The following KIF1B variants were observed in gnomAD, a reference collection of about 807,000 sequenced individuals.
KIF1B encodes the protein kinesin-like protein KIF1B.
Under a neutral mutation model 241.9 loss-of-function variants are expected in KIF1B, and 76 were observed. The observed-to-expected ratio is 0.31, with a 90% confidence interval of 0.26 to 0.38. KIF1B has a LOEUF of 0.38. Among genes scored for constraint, KIF1B ranks in the 10% least tolerant of loss-of-function variants. The pLI is 1.00. For synonymous variants in KIF1B, 750 were observed against 796.7 expected (o/e 0.94, Z 0.99); for missense variants, 1,622 against 2,271.4 (o/e 0.71, Z 5.81).
chr1:10,321,315 G>C (rs552042531), intron 23 of KIF1B, among the ~76,000 whole-genome samples: 1 of 151,344 alleles, frequency 6.6e-6, no homozygotes, highest in African/African-American at 2.4e-5. Flanking sequence ...TGTTGGCCAG[G>C]CTGGCCTCAA....
chr1:10,272,191 G>A, intron 8 of KIF1B, 50 bp from the exon 9 acceptor site: 1 of 1,032,966 alleles, frequency 9.7e-7, no homozygotes, highest in Non-Finnish European at 1.5e-6. Context: ...GTATGATATA[G>A]CAGTAGTAGA....
chr1:10,230,899 A>G (rs1015980595), intron 1 of KIF1B: 3 of 152,140 alleles, frequency 2.0e-5, no homozygotes, highest in Non-Finnish European at 4.4e-5. Flanking sequence ...AGTCAGTGGC[A>G]TATCTGAGGG....
rs1333144363 is a variant in KIF1B at position 10,227,035 on chromosome 1, T to C, written c.-79-5215T>C. Among the ~76,000 whole-genome samples, 8 of 41,612 alleles carry C rather than the reference T, an allele frequency of 1.9e-4. No individual in the cohort carries two copies. The East Asian group carries it at 3.2e-3, about 17-fold the overall frequency. The allele number at this position is 41,612 out of a possible 152,430, so 27.3% of individuals were successfully genotyped here. ...TTGATAAATAACGCAAGTCTCTCTT[T>C]TTTTTTTTTTTTTTTTTTTGAGATG... On this transcript the variant is annotated intron_variant, in intron 1 of 48. Coordinates refer to ENST00000676179, the MANE Select transcript of KIF1B (RefSeq NM_001365951.3).
In KIF1B at chr1:10,215,946, A is replaced by G. The variant is rs568214637; in HGVS notation, c.-80+5068A>G. On this transcript the variant is annotated intron_variant, in intron 1 of 48. Transcript: ENST00000676179. ...CAGATGTCAATGACTATGTAAATAA[A>G]CAATAACAGAAACAACAATAGTGAT... Among the ~76,000 whole-genome samples, 4 of 152,312 alleles carry G rather than the reference A, an allele frequency of 2.6e-5. No individual in the cohort carries two copies. In the South Asian group the frequency reaches 8.3e-4, roughly 32 times the overall value.
chr1:10,293,671 C>T (rs923731587), intron 17 of KIF1B, among the ~76,000 whole-genome samples: 2 of 152,100 alleles, frequency 1.3e-5, no homozygotes. Context: ...GGATTACAGG[C>T]ATGAGCCACT....
intron 32 of KIF1B, among the ~76,000 whole-genome samples, chr1:10,340,630 G>A (rs1652357367): frequency 6.6e-6 from 1 of 152,126 alleles, no homozygotes; most frequent in Admixed American, 6.6e-5. Flanking sequence ...GATCACTTGA[G>A]GTCAGGAGTT....
chr1:10,321,869 G>T lies in KIF1B; in HGVS notation c.2358+12G>T, dbSNP rs1356013143. ...AACTGAAAAAGAAGGTATGGAGCAG[G>T]AGGACACAGGAGAGCTGGAGGCAAA... is the stretch of plus-strand genomic sequence containing the variant. On this transcript the variant is annotated intron_variant, in intron 24 of 48. Coordinates refer to ENST00000676179, the MANE Select transcript of KIF1B (RefSeq NM_001365951.3). 3.1e-6 allele frequency: 5 copies of T among 1,613,896 alleles called. No homozygotes were observed. The African/African-American group carries it at 5.3e-5, about 17-fold the overall frequency.
chr1:10,375,172 C>A, intron 47 of KIF1B, 83 bp from the exon 48 acceptor site: 1 of 1,457,812 alleles, frequency 6.9e-7, no homozygotes, highest in Non-Finnish European at 9.6e-7. Flanking sequence ...TTGTGAAGTG[C>A]TATATGCCTT....
chr1:10,229,263 C>T (rs1646947438), intron 1 of KIF1B, among the ~76,000 whole-genome samples: 1 of 151,992 alleles, frequency 6.6e-6, no homozygotes, highest in Non-Finnish European at 1.5e-5. Flanking sequence ...CTAGAAAAAA[C>T]ATTGTAGCAA....
intron 35 of KIF1B, among the ~76,000 whole-genome samples, chr1:10,347,107 T>G (rs141585327): frequency 7.9e-5 from 12 of 152,328 alleles, no homozygotes; most frequent in African/African-American, 2.2e-4. Flanking sequence ...CTAAAATGCT[T>G]TTGTAAAAAC....
chr1:10,370,816 C>G (rs1638711818), intron 44 of KIF1B, among the ~76,000 whole-genome samples: 1 of 151,620 alleles, frequency 6.6e-6, no homozygotes, highest in Non-Finnish European at 1.5e-5. Context: ...AATATTTTCA[C>G]CAGTTGTGGT....
intron 2 of KIF1B, among the ~76,000 whole-genome samples, chr1:10,233,672 G>A (rs750505419): frequency 2.0e-5 from 3 of 151,354 alleles, no homozygotes; most frequent in African/African-American, 4.9e-5. Context: ...ACTTTAAATC[G>A]GTGAACTTTA....
intron 2 of KIF1B, among the ~76,000 whole-genome samples, chr1:10,253,076 A>G (rs777521881): frequency 6.6e-6 from 1 of 152,184 alleles, no homozygotes; most frequent in Non-Finnish European, 1.5e-5. Flanking sequence ...TGGGGTGGCC[A>G]CATACATGTA....
chr1:10,372,010 C>T (rs1030857443), intron 45 of KIF1B, among the ~76,000 whole-genome samples: 1 of 152,162 alleles, frequency 6.6e-6, no homozygotes, highest in Non-Finnish European at 1.5e-5. Context: ...TTGCAACACA[C>T]CCTCTTGTGC....
rs1227094936 is a variant in KIF1B at position 10,297,045 on chromosome 1, A to G, written c.2010A>G (p.Gln670=). ...TFAQRELLEK[Q]GIDMKQEMEK... is the part of the protein sequence containing the mutation. ...CCCAGAGGGAGCTTCTGGAAAAACA[A>G]GGAATTGATATGAAACAAGAGATGG... is the stretch of plus-strand genomic sequence containing the variant. Residue 670 remains glutamine (Q), a synonymous_variant, in exon 21 of 49, where the codon CAA becomes CAG. Transcript: ENST00000676179. 2 of 1,614,102 alleles carry G rather than the reference A, an allele frequency of 1.2e-6. No homozygotes were observed. Among genetic ancestry groups the G allele is most frequent in the Admixed American group, 3.3e-5 (2 of 59,996 alleles).
In KIF1B at chr1:10,217,936, T is replaced by C. The variant is rs566237410; in HGVS notation, c.-80+7058T>C. On this transcript the variant is annotated intron_variant, in intron 1 of 48. Transcript: ENST00000676179. ...ATCTTTTTTGTTCACGGATTATTTTTCCCAGGAACTGCCTGTTGCATTGTA... is the reference window on the plus strand; with the variant it reads ...ATCTTTTTTGTTCACGGATTATTTTCCCCAGGAACTGCCTGTTGCATTGTA... 2.0e-5 allele frequency among the ~76,000 whole-genome samples: 3 copies of C among 152,296 alleles called. No individual in the cohort carries two copies. The East Asian group carries it at 5.8e-4, about 29-fold the overall frequency.
intron 38 of KIF1B, among the ~76,000 whole-genome samples, chr1:10,360,536 T>C (rs952496824): frequency 6.6e-6 from 1 of 151,868 alleles, no homozygotes; most frequent in African/African-American, 2.4e-5. Flanking sequence ...AATACAAAAA[T>C]TAGCCAGGCG....
At chr1:10,363,940 T>C (rs565766326) in intron 41 of KIF1B, among the ~76,000 whole-genome samples, 14 of 152,292 alleles carry the variant, frequency 9.2e-5, no homozygotes, top group African/African-American at 3.1e-4. Flanking sequence ...AAGACTTAGA[T>C]AAGTAAAGAA....
chr1:10,313,761 A>G (rs917544727), intron 22 of KIF1B, among the ~76,000 whole-genome samples: 8 of 151,180 alleles, frequency 5.3e-5, no homozygotes, highest in Non-Finnish European at 1.0e-4. Context: ...CGTGTTAGCC[A>G]GGATGGTCTT....
Sources: gnomAD v4.1 joint callset for allele counts (sites outside exome capture counted in the v4.1 genomes callset) on GRCh38, gnomAD v4.1.1 for gene constraint, MANE v1.5 for transcripts, NCBI Gene and HGNC (gene_info 2026-07-23, HGNC 2026-07-21) for gene names.